PTPRD: variants seen among roughly 807,000 people sequenced by gnomAD.
PTPRD encodes receptor-type tyrosine-protein phosphatase delta.
PTPRD carries 34 observed loss-of-function variants against 214.5 expected under a neutral mutation model. The observed-to-expected ratio is 0.16, with a 90% confidence interval of 0.12 to 0.21. The LOEUF (loss-of-function observed/expected upper bound fraction) is 0.21, where lower values mean the gene tolerates loss of function less well. Ranked by LOEUF, PTPRD falls within the 10% of genes least tolerant of loss-of-function variation. PTPRD has a pLI of 1.00. For missense variants in PTPRD, 2,545 were observed against 2,398.7 expected (o/e 1.06, Z -1.27); for synonymous variants, 1,128 against 845.7 (o/e 1.33, Z -5.79).
chr9:9,998,115 T>G (rs370616808), intron 4 of PTPRD, among the ~76,000 whole-genome samples: 1 of 105,848 alleles, frequency 9.4e-6, no homozygotes, highest in Non-Finnish European at 1.9e-5. Context: ...TAAAGTATAA[T>G]AAAAAAAAAA....
At chr9:9,847,660 G>T (rs115946683) in intron 5 of PTPRD, among the ~76,000 whole-genome samples, 10 of 152,064 alleles carry the variant, frequency 6.6e-5, no homozygotes, top group Admixed American at 1.3e-4. Context: ...CTGTTTCTGT[G>T]GTAGCTTTCC....
chr9:8,758,477 C>G (rs1330283219), intron 11 of PTPRD, among the ~76,000 whole-genome samples: 2 of 151,980 alleles, frequency 1.3e-5, no homozygotes, highest in Admixed American at 1.3e-4. Context: ...GTTTACAGAC[C>G]TATAGATCCA....
At chr9:8,506,840 C>T (rs887631102) in intron 22 of PTPRD, among the ~76,000 whole-genome samples, 6 of 152,184 alleles carry the variant, frequency 3.9e-5, no homozygotes, top group South Asian at 4.1e-4. Flanking sequence ...AGCAAACAAA[C>T]ATTTGCTATT....
At chr9:10,287,449 G>A (rs2095395180) in intron 3 of PTPRD, among the ~76,000 whole-genome samples, 1 of 152,186 alleles carries the variant, frequency 6.6e-6, no homozygotes, top group African/African-American at 2.4e-5. Context: ...CATGGAGACT[G>A]TTTCTGGTTA....
At chr9:10,379,476 T>G (rs1326625645) in intron 2 of PTPRD, among the ~76,000 whole-genome samples, 1 of 151,966 alleles carries the variant, frequency 6.6e-6, no homozygotes, top group Non-Finnish European at 1.5e-5. Flanking sequence ...AAATGGATAA[T>G]TCCTGAGGTT....
At chr9:9,258,995 G>A (rs926263614) in intron 9 of PTPRD, among the ~76,000 whole-genome samples, 1 of 151,668 alleles carries the variant, frequency 6.6e-6, no homozygotes, top group Non-Finnish European at 1.5e-5. Context: ...TTCTTGTGGT[G>A]GGTAGGAAAA....
At chr9:10,065,141 TAGAAAGAAAGAAAGAAAGAA>T (rs554379074) in intron 3 of PTPRD, among the ~76,000 whole-genome samples, 2 of 106,732 alleles carry the variant, frequency 1.9e-5, no homozygotes, top group African/African-American at 7.2e-5. Context: ...TGACTTGGAT[TAGAAAGAAAGAAAGAAAGAA>T]AGAAAGAAAG....
chr9:9,024,113 T>C (rs2099578778), intron 10 of PTPRD, among the ~76,000 whole-genome samples: 1 of 151,834 alleles, frequency 6.6e-6, no homozygotes. Flanking sequence ...CTCTTGACTT[T>C]TGGGTATACA....
At chr9:8,971,000 A>G (rs1436761431) in intron 11 of PTPRD, among the ~76,000 whole-genome samples, 1 of 151,742 alleles carries the variant, frequency 6.6e-6, no homozygotes. Context: ...AAAGTTTTTA[A>G]AAAGCCTAAA....
At chr9:8,902,625 A>G (rs940793695) in intron 11 of PTPRD, among the ~76,000 whole-genome samples, 4 of 152,050 alleles carry the variant, frequency 2.6e-5, no homozygotes, top group Non-Finnish European at 5.9e-5. Context: ...GATTACAGGC[A>G]TGAGCCACCA....
chr9:10,476,152 A>G (rs2099061122), intron 2 of PTPRD, among the ~76,000 whole-genome samples: 1 of 152,126 alleles, frequency 6.6e-6, no homozygotes, highest in Non-Finnish European at 1.5e-5. Flanking sequence ...GGCAGGAGAA[A>G]GAAATAAAGG....
chr9:9,217,210 T>C (rs2099952876), intron 9 of PTPRD, among the ~76,000 whole-genome samples: 1 of 152,120 alleles, frequency 6.6e-6, no homozygotes, highest in South Asian at 2.1e-4. Context: ...GGATCCTGGA[T>C]AGGCAAGATG....
At chr9:9,423,175 C>A (rs2142697808) in intron 8 of PTPRD, among the ~76,000 whole-genome samples, 1 of 152,212 alleles carries the variant, frequency 6.6e-6, no homozygotes, top group Admixed American at 6.6e-5. Context: ...CACACAATGT[C>A]CAGTATATGA....
intron 3 of PTPRD, among the ~76,000 whole-genome samples, chr9:10,134,651 T>C (rs2098928854): frequency 6.6e-6 from 1 of 152,004 alleles, no homozygotes; most frequent in Admixed American, 6.6e-5. Context: ...ATGAAGCTAG[T>C]CGTGTATATT....
chr9:8,357,583 G>C (rs1310277192), intron 39 of PTPRD, among the ~76,000 whole-genome samples: 1 of 152,192 alleles, frequency 6.6e-6, no homozygotes, highest in Non-Finnish European at 1.5e-5. Context: ...AGAGAATGTG[G>C]TGAGCAGGGA....
chr9:10,355,806 T>C (rs193277662), intron 2 of PTPRD, among the ~76,000 whole-genome samples: 2 of 152,058 alleles, frequency 1.3e-5, no homozygotes, highest in Admixed American at 1.3e-4. Flanking sequence ...TTTAAATATA[T>C]ACTTAAAACA....
intron 5 of PTPRD, among the ~76,000 whole-genome samples, chr9:9,936,386 AAAAC>A (rs1234672920): frequency 6.6e-6 from 1 of 151,682 alleles, no homozygotes; most frequent in Non-Finnish European, 1.5e-5. Context: ...TTACAAGAAA[AAAAC>A]AACCCAATTA....
intron 9 of PTPRD, among the ~76,000 whole-genome samples, chr9:9,289,639 C>G (rs1259376688): frequency 6.6e-6 from 1 of 151,770 alleles, no homozygotes; most frequent in Non-Finnish European, 1.5e-5. Flanking sequence ...CAGCCCCCAG[C>G]CCCTAGGAAC....
intron 10 of PTPRD, among the ~76,000 whole-genome samples, chr9:9,156,676 G>C (rs2099881458): frequency 1.3e-5 from 2 of 151,936 alleles, no homozygotes; most frequent in Non-Finnish European, 2.9e-5. Flanking sequence ...ATCAAAATCA[G>C]GTATTCCAGA....
Sources: gnomAD v4.1 joint callset for allele counts (sites outside exome capture counted in the v4.1 genomes callset) on GRCh38, gnomAD v4.1.1 for gene constraint, MANE v1.5 for transcripts, NCBI Gene and HGNC (gene_info 2026-07-23, HGNC 2026-07-21) for gene names.